Variants in RPS3A observed in about 807,000 individuals in gnomAD.
RPS3A encodes the protein ribosomal protein S3A.
Under a neutral mutation model 26.4 loss-of-function variants are expected in RPS3A, and 1 was observed. The ratio of observed to expected loss-of-function variants is 0.04; its 90% CI spans 0.01 to 0.18. The LOEUF is 0.18. Among genes scored for constraint, RPS3A ranks in the 10% least tolerant of loss-of-function variants. RPS3A has a pLI of 1.00. For synonymous variants in RPS3A, 97 were observed against 106.1 expected (o/e 0.91, Z 0.53); for missense variants, 139 against 326.8 (o/e 0.43, Z 4.43).
At position 151,104,552 on chromosome 4, in the gene RPS3A, C is replaced by T. The variant is rs1450856010; in HGVS notation, c.754C>T (p.Arg252Ter). Residue 252 changes from arginine (R) to a stop codon, truncating the protein, a stop_gained, in exon 6 of 6, where the codon CGA (arginine) becomes TGA (stop). Coordinates refer to ENST00000274065, the MANE Select transcript of RPS3A (RefSeq NM_001006.5). LOFTEE classifies it high-confidence loss of function. The part of the protein sequence containing the change: ...TGDETGAKVE[R>*]ADGYEPPVQE... ...GGACGAGACAGGTGCTAAAGTTGAA[C>T]GAGCTGATGGATATGAACCACCAGT... 6.6e-7 allele frequency: 1 copy of T among 1,522,376 alleles called. No homozygotes were observed. The highest frequency in any genetic ancestry group is 8.7e-7 in the Non-Finnish European group (1 of 1,145,156). 94.3% of individuals were successfully genotyped at this position (1,522,376 alleles called of 1,614,324 possible).
intron 1 of RPS3A, among the ~76,000 whole-genome samples, chr4:151,100,264 G>A (rs187907406): frequency 6.6e-6 from 1 of 152,186 alleles, no homozygotes; most frequent in African/African-American, 2.4e-5. Flanking sequence ...GACCGATGAG[G>A]GTGGGAAGTG....
In RPS3A at chr4:151,104,118, A is replaced by G. The variant is rs1747256428; in HGVS notation, c.564-59A>G. 8.0e-6 allele frequency: 5 copies of G among 623,336 alleles called. No individual in the cohort carries two copies. The African/African-American group carries it at 1.1e-4, about 14-fold the overall frequency. 38.6% of individuals were successfully genotyped at this position (623,336 alleles called of 1,614,324 possible). A position where few individuals can be genotyped will look rare whatever the true frequency, so the allele number is the denominator to read the frequency against. ...CAAGGCTTCTCTACTTTTAAAGGAAATGGCTTATATCTGAGAACTAGGACT... is the reference window on the plus strand; with the variant it reads ...CAAGGCTTCTCTACTTTTAAAGGAAGTGGCTTATATCTGAGAACTAGGACT... On this transcript the variant is annotated intron_variant, in intron 4 of 5. Transcript: ENST00000274065.
chr4:151,103,017 G>A lies in RPS3A; in HGVS notation c.501G>A (p.Lys167=). 2 of 1,601,558 alleles carry A rather than the reference G, an allele frequency of 1.2e-6. No homozygotes were observed. Among genetic ancestry groups the A allele is most frequent in the Non-Finnish European group, 1.7e-6 (2 of 1,179,782 alleles). The change falls in exon 4 of 6, where the codon AAG becomes AAA. Residue 167 remains lysine, a synonymous_variant. Coordinates refer to ENST00000274065, the MANE Select transcript of RPS3A (RefSeq NM_001006.5). ...AACAGGTCCGCCAAATCCGGAAGAA[G>A]ATGATGGAAATCATGACCCGAGAGG... is the stretch of plus-strand genomic sequence containing the variant. ...QHQQVRQIRK[K]MMEIMTREVQ... is the part of the protein sequence containing the mutation.
chr4:151,101,630 CTTT>C (rs914308040), intron 3 of RPS3A, among the ~76,000 whole-genome samples: 42 of 152,140 alleles, frequency 2.8e-4, no homozygotes, highest in African/African-American at 9.9e-4. Context: ...GCCTCGGTTT[CTTT>C]ATTTGTAAAG....
intron 3 of RPS3A, chr4:151,102,210 A>G: frequency 3.1e-6 from 1 of 325,908 alleles, no homozygotes; most frequent in Non-Finnish European, 6.1e-6. Context: ...GTTTTTTTTT[A>G]TACTAAGGTA....
intron 1 of RPS3A, 157 bp downstream of exon 1, chr4:151,099,871 G>A: frequency 1.3e-6 from 1 of 784,966 alleles, no homozygotes; most frequent in Non-Finnish European, 2.2e-6. Context: ...TGGAGGGTCG[G>A]TGTTGAGTAG....
At chr4:151,103,329 CTG>C in intron 4 of RPS3A, 1 of 659,314 alleles carries the variant, frequency 1.5e-6, no homozygotes, top group African/African-American at 1.9e-5. Context: ...CCTTGGCTCA[CTG>C]TAACCACTGC....
intron 4 of RPS3A, chr4:151,103,719 T>C (rs1747230637): frequency 1.8e-6 from 2 of 1,107,702 alleles, no homozygotes; most frequent in Non-Finnish European, 2.3e-6. Context: ...CTGGGCAATA[T>C]AGGGAGACCC....
chr4:151,100,453 C>A (rs375397621), intron 1 of RPS3A, 32 bp from the exon 2 acceptor site: 32 of 1,152,838 alleles, frequency 2.8e-5, no homozygotes, highest in Non-Finnish European at 3.7e-5. Context: ...AATTGATCTG[C>A]AATGGAACTT....
At chr4:151,103,964 A>G in intron 4 of RPS3A, 5 of 1,521,580 alleles carry the variant, frequency 3.3e-6, no homozygotes, top group Non-Finnish European at 4.4e-6. Context: ...AGACTCTACT[A>G]ACTTTGCCAC....
Position 151,103,078 on chromosome 4 carries a change from T to C in RPS3A, c.562T>C (p.Leu188=). 2 of 1,597,076 alleles carry C rather than the reference T, an allele frequency of 1.3e-6. No individual in the cohort carries two copies. The highest frequency in any genetic ancestry group is 1.7e-6 in the Non-Finnish European group (2 of 1,178,540). ...TNDLKEVVNK[L]IPDSIGKDIE... is the part of the protein sequence containing the mutation. ...TGACTTGAAAGAAGTGGTCAATAAA[T>C]TGTAAGTGTTTCTTTGCTTCCTCAC... Residue 188 remains leucine (L), a splice_region_variant and synonymous_variant, in exon 4 of 6, where the codon TTG becomes CTG. Transcript: ENST00000274065.
chr4:151,099,915 T>C, intron 1 of RPS3A: 1 of 627,196 alleles, frequency 1.6e-6, no homozygotes, highest in Non-Finnish European at 2.9e-6. Flanking sequence ...GGCCTTCTGG[T>C]CCTTGCGCGC....
chr4:151,103,101 C>T (rs1216682342), intron 4 of RPS3A, 22 bp downstream of exon 4: 2 of 1,588,798 alleles, frequency 1.3e-6, no homozygotes, highest in Non-Finnish European at 1.7e-6. Flanking sequence ...TTTGCTTCCT[C>T]ACACAACACA....
rs1747052715 is a variant in RPS3A at position 151,100,103 on chromosome 4, G to A, written c.63-382G>A. The A allele has an allele frequency of 9.6e-6, 5 of 519,092 alleles. No homozygotes were observed. In the Admixed American group the frequency reaches 1.2e-4, roughly 12 times the overall value. The allele number at this position is 519,092 out of a possible 1,614,324, so 32.2% of individuals were successfully genotyped here. On this transcript the variant is annotated intron_variant, in intron 1 of 5. Transcript: ENST00000274065. Reference sequence around the variant, plus strand: ...CCTTTGCTTGGTCCCGCTGGAATCTGCGAGCTCCTGCTAAGCTTTGGGGCC... The same window carrying A: ...CCTTTGCTTGGTCCCGCTGGAATCTACGAGCTCCTGCTAAGCTTTGGGGCC...
chr4:151,099,742 C>CT, intron 1 of RPS3A, 28 bp downstream of exon 1: 1 of 1,602,318 alleles, frequency 6.2e-7, no homozygotes, highest in Non-Finnish European at 8.5e-7. Context: ...TGGCGTCTTG[C>CT]TTTTTGGGGG....
intron 1 of RPS3A, 199 bp from the exon 2 acceptor site, chr4:151,100,286 T>G (rs1747062995): frequency 3.6e-6 from 2 of 561,212 alleles, no homozygotes; most frequent in East Asian, 6.1e-5. Context: ...ACATAACCTT[T>G]CAAAGTCTGA....
At chr4:151,100,950 A>C (rs767951371) in intron 2 of RPS3A, 25 bp from the exon 3 acceptor site, 2 of 1,540,220 alleles carry the variant, frequency 1.3e-6, no homozygotes, top group Admixed American at 3.5e-5. Flanking sequence ...CTAAATGTTA[A>C]GATACTTGTT....
rs973773733 is a variant in RPS3A at position 151,104,364 on chromosome 4, T to C, written c.673+78T>C. 3.9e-6 allele frequency: 6 copies of C among 1,527,980 alleles called. No homozygotes were observed. In the African/African-American group the frequency reaches 8.4e-5, roughly 21 times the overall value. The allele number at this position is 1,527,980 out of a possible 1,614,324, so 94.7% of individuals were successfully genotyped here. A position where few individuals can be genotyped will look rare whatever the true frequency, so the allele number is the denominator to read the frequency against. ...GGAGGAGGAGTGTGGGGCCATATCA[T>C]GGCCTTCTTTTTCTTCCTGTCATGC... On this transcript the variant is annotated intron_variant, in intron 5 of 5. Transcript: ENST00000274065.
At position 151,100,966 on chromosome 4, in the gene RPS3A, C is replaced by T. The variant is rs1307175429; in HGVS notation, c.167-9C>T. Reference sequence around the variant, plus strand: ...TAAATGTTAAGATACTTGTTTTTTTCTTTTGTAGAAATTGCATCTGATGGT... The same window carrying T: ...TAAATGTTAAGATACTTGTTTTTTTTTTTTGTAGAAATTGCATCTGATGGT... On this transcript the variant is annotated splice_polypyrimidine_tract_variant and intron_variant, in intron 2 of 5. Coordinates refer to ENST00000274065, the MANE Select transcript of RPS3A (RefSeq NM_001006.5). 20 of 1,553,032 alleles carry T rather than the reference C, an allele frequency of 1.3e-5. No individual in the cohort carries two copies. Among genetic ancestry groups the T allele is most frequent in the African/African-American group, 5.5e-5 (4 of 73,380 alleles).
Sources: gnomAD v4.1 joint callset for allele counts (sites outside exome capture counted in the v4.1 genomes callset) on GRCh38, gnomAD v4.1.1 for gene constraint, MANE v1.5 for transcripts, NCBI Gene and HGNC (gene_info 2026-07-23, HGNC 2026-07-21) for gene names.